ABCB1: variants seen among roughly 807,000 people sequenced by gnomAD.
The protein encoded by ABCB1 is ATP binding cassette subfamily B member 1, also known as ATP-dependent translocase ABCB1.
ABCB1 carries 69 observed loss-of-function variants against 142.0 expected under a neutral mutation model. That is an observed-to-expected ratio of 0.49 (90% CI 0.40 to 0.59). ABCB1 has a LOEUF of 0.59. ABCB1 is among the 20% of genes least tolerant of loss of function. The probability of loss-of-function intolerance (pLI) is 0.00; values close to 1 mark genes in which losing one functional copy is unlikely to be tolerated. For missense variants in ABCB1, 1,326 were observed against 1,554.7 expected (o/e 0.85, Z 2.47); for synonymous variants, 532 against 539.2 (o/e 0.99, Z 0.18).
At chr7:87,610,436 T>C (rs1453024998) in intron 1 of ABCB1, among the ~76,000 whole-genome samples, 2 of 141,710 alleles carry the variant, frequency 1.4e-5, no homozygotes, top group Non-Finnish European at 3.0e-5. Flanking sequence ...AGATAGAGTC[T>C]GCCTGTGTAG....
chr7:87,655,492 T>C (rs1824004401), intron 1 of ABCB1, among the ~76,000 whole-genome samples: 1 of 152,162 alleles, frequency 6.6e-6, no homozygotes, highest in African/African-American at 2.4e-5. Flanking sequence ...ACTGCATGAC[T>C]TCCTTATACA....
In ABCB1 at chr7:87,669,792, T is replaced by C. The variant is rs1478423452; in HGVS notation, c.-331+43369A>G. 3.3e-5 allele frequency among the ~76,000 whole-genome samples: 5 copies of C among 152,324 alleles called. No individual in the cohort carries two copies. In the East Asian group the frequency reaches 9.6e-4, roughly 29 times the overall value. On this transcript the variant is annotated intron_variant, in intron 1 of 28. Transcript: ENST00000265724. ...TTTTTTTCTTTAAGAATGTTGAATA[T>C]GGGCCCCCAATCTCTTCTGGCTTGT...
chr7:87,637,804 AT>A (rs1821942523), intron 1 of ABCB1, among the ~76,000 whole-genome samples: 2 of 151,830 alleles, frequency 1.3e-5, no homozygotes, highest in African/African-American at 2.4e-5. Context: ...ATTCTAACAG[AT>A]TTTTTGCAGT....
intron 1 of ABCB1, among the ~76,000 whole-genome samples, chr7:87,678,273 C>T (rs1826578218): frequency 6.6e-6 from 1 of 152,092 alleles, no homozygotes; most frequent in Non-Finnish European, 1.5e-5. Context: ...CTCTTGAAAG[C>T]AAAATTTATG....
chr7:87,594,195 T>C (rs1477990970), intron 3 of ABCB1, among the ~76,000 whole-genome samples: 2 of 152,218 alleles, frequency 1.3e-5, no homozygotes, highest in African/African-American at 2.4e-5. Context: ...ACTTAGAATA[T>C]ATTCTCTCTA....
intron 1 of ABCB1, among the ~76,000 whole-genome samples, chr7:87,675,160 G>A (rs1416131926): frequency 6.6e-6 from 1 of 152,174 alleles, no homozygotes; most frequent in Non-Finnish European, 1.5e-5. Context: ...AAGTCCCTGT[G>A]CTTAGCCTCC....
intron 1 of ABCB1, among the ~76,000 whole-genome samples, chr7:87,623,146 T>C (rs1230728125): frequency 6.6e-6 from 1 of 152,232 alleles, no homozygotes; most frequent in Non-Finnish European, 1.5e-5. Context: ...TTACTTAATG[T>C]CTCCAAGTCT....
At chr7:87,510,090 C>T (rs955705165) in intron 25 of ABCB1, among the ~76,000 whole-genome samples, 1 of 152,088 alleles carries the variant, frequency 6.6e-6, no homozygotes, top group Admixed American at 6.5e-5. Flanking sequence ...GACTTCTGAC[C>T]TCCAGAAGTG....
chr7:87,611,046 G>T (rs184229030), intron 1 of ABCB1, among the ~76,000 whole-genome samples: 8 of 152,154 alleles, frequency 5.3e-5, no homozygotes, highest in African/African-American at 2.4e-5. Context: ...ATTTACTCTG[G>T]TCTTCTTCTA....
At chr7:87,544,647 G>T (rs145021269) in intron 16 of ABCB1, among the ~76,000 whole-genome samples, 176 bp downstream of exon 16, 1 of 152,164 alleles carries the variant, frequency 6.6e-6, no homozygotes, top group Non-Finnish European at 1.5e-5. Flanking sequence ...AAATTCTGCT[G>T]TGTAAATTAA....
At position 87,545,965 on chromosome 7, in the gene ABCB1, A is replaced by G; in HGVS notation, c.1785T>C (p.Ala595=). 6.2e-7 allele frequency: 1 copy of G among 1,614,160 alleles called. No homozygotes were observed. The highest frequency in any genetic ancestry group is 8.5e-7 in the Non-Finnish European group (1 of 1,180,004). The change falls in exon 15 of 28, where the codon GCT becomes GCC. Residue 595 remains alanine, a synonymous_variant. Transcript: ENST00000622132. The part of the protein sequence containing the change: ...IAHRLSTVRN[A]DVIAGFDDGV... ...CATCATCGAAACCAGCGATGACGTCAGCATTACGAACTGTAGACAAACGAT... is the reference window on the plus strand; with the variant it reads ...CATCATCGAAACCAGCGATGACGTCGGCATTACGAACTGTAGACAAACGAT...
intron 1 of ABCB1, among the ~76,000 whole-genome samples, chr7:87,678,932 A>G (rs2130574071): frequency 6.6e-6 from 1 of 152,284 alleles, no homozygotes; most frequent in Admixed American, 6.5e-5. Context: ...AGCAAAAGGT[A>G]ACAGAACTGA....
intron 20 of ABCB1, chr7:87,531,706 A>G (rs1816064286): frequency 7.1e-6 from 4 of 561,900 alleles, no homozygotes; most frequent in African/African-American, 1.9e-5. Context: ...TCAACAATCT[A>G]GAGTTCAATT....
intron 22 of ABCB1, 44 bp from the exon 23 acceptor site, chr7:87,519,510 A>C: frequency 2.5e-6 from 4 of 1,611,980 alleles, no homozygotes; most frequent in Non-Finnish European, 2.5e-6. Flanking sequence ...TTCATTTCTC[A>C]GTCCTTAAAA....
At position 87,553,837 on chromosome 7, in the gene ABCB1, G is replaced by A. The variant is rs199591776; in HGVS notation, c.923C>T (p.Ala308Val). The A allele has an allele frequency of 3.1e-6, 5 of 1,614,032 alleles. No individual in the cohort carries two copies. Among genetic ancestry groups the A allele is most frequent in the Non-Finnish European group, 4.2e-6 (5 of 1,179,884 alleles). Residue 308 changes from alanine to valine, a missense_variant, in exon 9 of 28, where the codon GCA becomes GTA. Transcript: ENST00000622132. ...ATACCAGAAGGCCAGAGCATAAGAT[G>A]CATAGATCAGCAGGAAAGCAGCACC... is the stretch of plus-strand genomic sequence containing the variant. ...SIGAAFLLIY[A>V]SYALAFWYGT...
intron 1 of ABCB1, among the ~76,000 whole-genome samples, chr7:87,707,208 C>G (rs2130727578): frequency 6.6e-6 from 1 of 151,962 alleles, no homozygotes; most frequent in Middle Eastern, 3.4e-3. Flanking sequence ...TCAGGCACAT[C>G]AAGAAACAAG....
At chr7:87,516,333 G>A (rs894366802) in intron 24 of ABCB1, among the ~76,000 whole-genome samples, 176 bp downstream of exon 24, 5 of 152,080 alleles carry the variant, frequency 3.3e-5, no homozygotes, top group African/African-American at 1.2e-4. Flanking sequence ...CCTTTGCTAC[G>A]TAAAAGTACT....
chr7:87,684,060 G>A (rs1827201594), intron 1 of ABCB1, among the ~76,000 whole-genome samples: 1 of 152,112 alleles, frequency 6.6e-6, no homozygotes, highest in African/African-American at 2.4e-5. Context: ...ACTAATAGGT[G>A]CATAGAAAAG....
At chr7:87,560,666 C>T (rs1817523095) in intron 8 of ABCB1, among the ~76,000 whole-genome samples, 1 of 152,100 alleles carries the variant, frequency 6.6e-6, no homozygotes, top group African/African-American at 2.4e-5. Flanking sequence ...AATTTATATT[C>T]AATTTTACAT....
Sources: gnomAD v4.1 joint callset for allele counts (sites outside exome capture counted in the v4.1 genomes callset) on GRCh38, gnomAD v4.1.1 for gene constraint, MANE v1.5 for transcripts, NCBI Gene and HGNC (gene_info 2026-07-23, HGNC 2026-07-21) for gene names.